The following NCKAP5 variants were observed in gnomAD, a reference collection of about 807,000 sequenced individuals.
The protein encoded by NCKAP5 is NCK associated protein 5.
NCKAP5 carries 92 observed loss-of-function variants against 167.0 expected under a neutral mutation model. The observed-to-expected ratio is 0.55, with a 90% confidence interval of 0.47 to 0.66. NCKAP5 has a LOEUF of 0.66. Among genes scored for constraint, NCKAP5 ranks in the 30% least tolerant of loss-of-function variants. The pLI is 0.00. For synonymous variants in NCKAP5, 891 were observed against 877.4 expected (o/e 1.02, Z -0.27); for missense variants, 2,378 against 2,315.0 (o/e 1.03, Z -0.56).
At chr2:133,665,735 C>T in the NCKAP5 span, among the ~76,000 whole-genome samples, 639 of 152,224 alleles carry the variant, frequency 4.2e-3, 2 homozygotes, top group Non-Finnish European at 7.1e-3. Context: ...CCGCGACGTG[C>T]GATAAAGCAA....
chr2:133,598,432 A>G, the NCKAP5 span, among the ~76,000 whole-genome samples: 1 of 152,178 alleles, frequency 6.6e-6, no homozygotes, highest in Non-Finnish European at 1.5e-5. Context: ...TGGACCACAC[A>G]ACTCTGAGAA....
chr2:133,440,082 G>T (rs1022578914), intron 3 of NCKAP5, among the ~76,000 whole-genome samples: 9 of 152,130 alleles, frequency 5.9e-5, no homozygotes, highest in Non-Finnish European at 1.2e-4. Context: ...CTGCTTCACT[G>T]GTGACTGTGT....
intron 1 of NCKAP5, among the ~76,000 whole-genome samples, chr2:133,564,807 G>A (rs1295724998): frequency 1.3e-5 from 2 of 152,180 alleles, no homozygotes; most frequent in African/African-American, 4.8e-5. Flanking sequence ...GCCACCGTGG[G>A]AAAGGGGTAG....
At chr2:132,912,458 C>G (rs925419640) in intron 8 of NCKAP5, among the ~76,000 whole-genome samples, 2 of 152,098 alleles carry the variant, frequency 1.3e-5, no homozygotes, top group African/African-American at 4.8e-5. Flanking sequence ...TTTCAGAGCC[C>G]GTCCATGACA....
At chr2:133,420,260 G>C (rs905731631) in intron 3 of NCKAP5, among the ~76,000 whole-genome samples, 1 of 152,178 alleles carries the variant, frequency 6.6e-6, no homozygotes. Context: ...CTTGTACAAT[G>C]GGGTATTATT....
chr2:133,332,634 A>C (rs1682935632), intron 3 of NCKAP5, among the ~76,000 whole-genome samples: 1 of 152,238 alleles, frequency 6.6e-6, no homozygotes, highest in Non-Finnish European at 1.5e-5. Context: ...GTATTTGAAA[A>C]GAAAATTTTT....
intron 8 of NCKAP5, among the ~76,000 whole-genome samples, chr2:132,949,571 C>T (rs1558979125): frequency 6.6e-6 from 1 of 152,196 alleles, no homozygotes. Flanking sequence ...TGAGCTTCAC[C>T]TTGAAGCCCC....
At chr2:133,283,699 C>T (rs1297659839) in intron 4 of NCKAP5, among the ~76,000 whole-genome samples, 2 of 151,682 alleles carry the variant, frequency 1.3e-5, no homozygotes, top group African/African-American at 4.8e-5. Context: ...CAACCTCCAC[C>T]TCCCAGGTTC....
chr2:132,883,940 C>T (rs1691999710), intron 8 of NCKAP5, among the ~76,000 whole-genome samples: 1 of 152,116 alleles, frequency 6.6e-6, no homozygotes, highest in Non-Finnish European at 1.5e-5. Flanking sequence ...AATGATTGAA[C>T]CAGAATAGGG....
chr2:133,559,631 A>G (rs1688018460), intron 1 of NCKAP5, among the ~76,000 whole-genome samples: 1 of 152,194 alleles, frequency 6.6e-6, no homozygotes. Flanking sequence ...TGTTGAAATT[A>G]CTACATTTTA....
chr2:133,452,290 C>T (rs1327122003), intron 3 of NCKAP5, among the ~76,000 whole-genome samples: 3 of 152,140 alleles, frequency 2.0e-5, no homozygotes, highest in African/African-American at 7.2e-5. Flanking sequence ...GCATTAAATG[C>T]AGCCAACTAG....
the NCKAP5 span, among the ~76,000 whole-genome samples, chr2:133,626,424 G>T: frequency 2.7e-5 from 4 of 150,568 alleles, no homozygotes; most frequent in Non-Finnish European, 1.5e-5. Flanking sequence ...AACTTTATAG[G>T]ATAGACAAAC....
chr2:132,681,515 T>G (rs1472878532), intron 19 of NCKAP5, among the ~76,000 whole-genome samples: 3 of 152,118 alleles, frequency 2.0e-5, no homozygotes, highest in Non-Finnish European at 4.4e-5. Flanking sequence ...TATTATAACA[T>G]CACAGTGCTA....
intron 6 of NCKAP5, among the ~76,000 whole-genome samples, chr2:133,071,237 G>A (rs2080383315): frequency 6.6e-6 from 1 of 152,282 alleles, no homozygotes; most frequent in South Asian, 2.1e-4. Context: ...TTAAGACCAA[G>A]AAAACTTACA....
intron 16 of NCKAP5, among the ~76,000 whole-genome samples, chr2:132,740,790 T>C (rs1241763253): frequency 6.6e-6 from 1 of 152,004 alleles, no homozygotes; most frequent in Non-Finnish European, 1.5e-5. Context: ...GAGTCTTGCA[T>C]AGGGAATGAG....
At chr2:132,794,263 T>TAGAGAGAGAGAGAG (rs70973407) in intron 12 of NCKAP5, among the ~76,000 whole-genome samples, 19 of 11,912 alleles carry the variant, frequency 1.6e-3, no homozygotes, top group Non-Finnish European at 2.6e-3. Flanking sequence ...TATATATATA[T>TAGAGAGAGAGAGAG]AGAGAGAGAG....
chr2:132,788,468 C>T (rs56318788), intron 13 of NCKAP5, among the ~76,000 whole-genome samples: 3 of 152,064 alleles, frequency 2.0e-5, no homozygotes, highest in Non-Finnish European at 4.4e-5. Flanking sequence ...AGCCTTCTGG[C>T]GCCTGGCTCT....
intron 5 of NCKAP5, among the ~76,000 whole-genome samples, chr2:133,166,916 T>A (rs1206708472): frequency 2.0e-5 from 3 of 152,194 alleles, no homozygotes; most frequent in Non-Finnish European, 4.4e-5. Context: ...TGGTTTATGA[T>A]CAGCAGGCTA....
At chr2:132,698,644 C>T (rs550267294) in intron 19 of NCKAP5, among the ~76,000 whole-genome samples, 1 of 152,138 alleles carries the variant, frequency 6.6e-6, no homozygotes, top group East Asian at 1.9e-4. Context: ...ACTATCCTGG[C>T]TAACATGGTG....
Sources: gnomAD v4.1 joint callset for allele counts (sites outside exome capture counted in the v4.1 genomes callset) on GRCh38, gnomAD v4.1.1 for gene constraint, MANE v1.5 for transcripts, NCBI Gene and HGNC (gene_info 2026-07-23, HGNC 2026-07-21) for gene names.